XKR4: variants seen among roughly 807,000 people sequenced by gnomAD.
XKR4 encodes XK related 4.
Under a neutral mutation model 53.9 loss-of-function variants are expected in XKR4, and 12 were observed. That is an observed-to-expected ratio of 0.22 (90% CI 0.14 to 0.36). XKR4 has a LOEUF of 0.36. Ranked by LOEUF, XKR4 falls within the 10% of genes least tolerant of loss-of-function variation. The pLI, the probability that XKR4 is intolerant of heterozygous loss-of-function variation, is 1.00. For missense variants in XKR4, 799 were observed against 859.5 expected, an observed-to-expected ratio of 0.93 and a Z score of 0.88; for synonymous variants, 354 against 362.4, an observed-to-expected ratio of 0.98 and a Z score of 0.26.
rs922690707 is a variant in XKR4, at chr8:55,526,187, G to A, written c.*1960G>A. ...GAAAAAAGTTTAACTTAATTATTCG[G>A]TTATTTGGATCTAATTCACACAAAG... On this transcript the variant is annotated 3_prime_UTR_variant, in exon 3 of 3. Coordinates refer to ENST00000327381, the MANE Select transcript of XKR4 (RefSeq NM_052898.2). 6.6e-6 allele frequency: 1 copy of A among 152,440 alleles called. No homozygotes were observed. Among genetic ancestry groups the A allele is most frequent in the Non-Finnish European group, 1.5e-5 (1 of 68,032 alleles). The allele number at this position is 152,440 out of a possible 1,614,324, so 9.4% of individuals were successfully genotyped here.
intron 2 of XKR4, among the ~76,000 whole-genome samples, chr8:55,366,239 T>A (rs1359972410): frequency 6.6e-6 from 1 of 152,054 alleles, no homozygotes; most frequent in Non-Finnish European, 1.5e-5. Context: ...CAGAACAGGG[T>A]CTGCAGAGTC....
intron 1 of XKR4, among the ~76,000 whole-genome samples, chr8:55,223,423 T>C (rs1817911675): frequency 6.6e-6 from 1 of 152,212 alleles, no homozygotes; most frequent in Non-Finnish European, 1.5e-5. Context: ...GATAAAAATG[T>C]GACTTCGTAC....
intron 1 of XKR4, among the ~76,000 whole-genome samples, chr8:55,311,361 G>C (rs546990993): frequency 1.3e-5 from 2 of 152,318 alleles, no homozygotes; most frequent in East Asian, 1.9e-4. Flanking sequence ...AGGGCCCCCA[G>C]GAGCAAATGA....
intron 2 of XKR4, among the ~76,000 whole-genome samples, chr8:55,448,543 G>A (rs1805377362): frequency 6.6e-6 from 1 of 152,196 alleles, no homozygotes; most frequent in Non-Finnish European, 1.5e-5. Context: ...AGGAAAATGT[G>A]GTTTGGGGAA....
At chr8:55,360,810 G>A (rs752187236) in intron 2 of XKR4, among the ~76,000 whole-genome samples, 7 of 152,194 alleles carry the variant, frequency 4.6e-5, no homozygotes, top group Admixed American at 2.6e-4. Context: ...TATTCTCTTC[G>A]TGGAAGCTGG....
intron 2 of XKR4, among the ~76,000 whole-genome samples, chr8:55,499,600 G>A (rs1806405982): frequency 6.6e-6 from 1 of 152,182 alleles, no homozygotes; most frequent in Non-Finnish European, 1.5e-5. Context: ...CATCTGCAGT[G>A]ACCTATTGTG....
intron 2 of XKR4, among the ~76,000 whole-genome samples, chr8:55,396,009 G>T (rs1804511038): frequency 6.6e-6 from 1 of 152,250 alleles, no homozygotes. Context: ...GAGAGAGGAA[G>T]TGGGTTCCCT....
In XKR4 at chr8:55,443,319, C is replaced by T. The variant is rs962339720; in HGVS notation, c.1007-79962C>T. ...TGAATATATATTACTATATAATATC[C>T]ACATTAACAAATTAATGGAGGCACA... is the stretch of plus-strand genomic sequence containing the variant. On this transcript the variant is annotated intron_variant, in intron 2 of 2. Coordinates refer to ENST00000327381, the MANE Select transcript of XKR4 (RefSeq NM_052898.2). Among the ~76,000 whole-genome samples the T allele has an allele frequency of 9.9e-5, 15 of 151,224 alleles. No individual in the cohort carries two copies. The East Asian group carries it at 2.5e-3, about 25-fold the overall frequency.
intron 2 of XKR4, among the ~76,000 whole-genome samples, chr8:55,508,271 C>T (rs1226493953): frequency 1.3e-5 from 2 of 152,118 alleles, no homozygotes; most frequent in Admixed American, 6.5e-5. Flanking sequence ...CCCCAGGATG[C>T]TAATAAGCAG....
At chr8:55,449,473 G>T (rs1805394573) in intron 2 of XKR4, 7 of 1,006,348 alleles carry the variant, frequency 7.0e-6, no homozygotes, top group South Asian at 2.9e-5. Flanking sequence ...GGTCGGTAAC[G>T]ACTGGAAGCA....
In XKR4 at chr8:55,166,029, A is replaced by G. The variant is rs185886091; in HGVS notation, c.806+62735A>G. On this transcript the variant is annotated intron_variant, in intron 1 of 2. Transcript: ENST00000327381. ...TGTTGTCAGAAATGACTTTGGCATT[A>G]CTCTGAACAAGCTTAATGGGAGCAG... 1.1e-4 allele frequency among the ~76,000 whole-genome samples: 16 copies of G among 152,166 alleles called. No individual in the cohort carries two copies. In the East Asian group the frequency reaches 3.1e-3, roughly 29 times the overall value.
rs1468991225 is a variant in XKR4, at chr8:55,316,299, G to GA, written c.807-41374dup. Among the ~76,000 whole-genome samples the GA allele has an allele frequency of 2.0e-5, 3 of 152,242 alleles. No homozygotes were observed. In the East Asian group the frequency reaches 5.8e-4, roughly 29 times the overall value. On this transcript the variant is annotated intron_variant, in intron 1 of 2. Coordinates refer to ENST00000327381, the MANE Select transcript of XKR4 (RefSeq NM_052898.2). ...CCAGTAGCACCGATTCTCAGGCTGT[G>GA]AAAAATAGGACAGTCACATCCGATC...
At chr8:55,392,659 C>T (rs528356722) in intron 2 of XKR4, among the ~76,000 whole-genome samples, 27 of 151,958 alleles carry the variant, frequency 1.8e-4, no homozygotes, top group Non-Finnish European at 2.6e-4. Flanking sequence ...GGTGTGGTGG[C>T]GCATGCCTAT....
In XKR4 at chr8:55,102,996, G is replaced by T. The variant is rs1318446045; in HGVS notation, c.508G>T (p.Asp170Tyr). The T allele has an allele frequency of 6.2e-7, 1 of 1,612,124 alleles. No individual in the cohort carries two copies. The highest frequency in any genetic ancestry group is 8.5e-7 in the Non-Finnish European group (1 of 1,179,888). The change falls in exon 1 of 3, where the codon GAT becomes TAT. Residue 170 changes from aspartate to tyrosine, a missense_variant. Physicochemically the swap from Asp to Tyr is radical, Grantham distance 160. Coordinates refer to ENST00000327381, the MANE Select transcript of XKR4 (RefSeq NM_052898.2). The surrounding 1 kb of genome is among the most constrained non-coding windows in gnomAD (Gnocchi z 5.1). ...GTTCAGCTTCCGCTGGTTTGTGCAC[G>T]ATTTCAGCACCGAGGACAGCGCCAC... ...QVFSFRWFVH[D>Y]FSTEDSATAA... is the part of the protein sequence containing the mutation.
At chr8:55,260,510 C>T (rs1016034398) in intron 1 of XKR4, among the ~76,000 whole-genome samples, 2 of 152,080 alleles carry the variant, frequency 1.3e-5, no homozygotes, top group Admixed American at 1.3e-4. Flanking sequence ...AGGACATGGA[C>T]ACACATGGAG....
chr8:55,206,215 C>T (rs932903375), intron 1 of XKR4, among the ~76,000 whole-genome samples: 1 of 152,038 alleles, frequency 6.6e-6, no homozygotes, highest in Non-Finnish European at 1.5e-5. Context: ...CGGGTTGCCA[C>T]TGGGGCTGGG....
chr8:55,293,326 C>T (rs1263169395), intron 1 of XKR4, among the ~76,000 whole-genome samples: 2 of 151,804 alleles, frequency 1.3e-5, no homozygotes, highest in African/African-American at 4.8e-5. Flanking sequence ...GAAACTCCAT[C>T]TCAAAAAATA....
intron 2 of XKR4, among the ~76,000 whole-genome samples, chr8:55,472,881 T>C (rs1585593542): frequency 6.6e-6 from 1 of 152,108 alleles, no homozygotes; most frequent in Admixed American, 6.5e-5. Flanking sequence ...CGTTGTCTTA[T>C]GTTCTCGGCA....
chr8:55,150,928 C>T (rs1297454956), intron 1 of XKR4, among the ~76,000 whole-genome samples: 3 of 152,180 alleles, frequency 2.0e-5, no homozygotes, highest in East Asian at 3.8e-4. Flanking sequence ...AGACAGCTAA[C>T]ATTTCTCCCT....
Sources: allele counts gnomAD v4.1 joint callset (sites outside exome capture counted in the v4.1 genomes callset), GRCh38; gene constraint gnomAD v4.1.1; non-coding constraint Gnocchi (gnomAD v3.1); transcripts MANE v1.5; gene names NCBI Gene and HGNC (gene_info 2026-07-23, HGNC 2026-07-21).